The following ZFHX3 variants were observed in gnomAD, a reference collection of about 807,000 sequenced individuals.
The protein encoded by ZFHX3 is zinc finger homeobox 3.
A neutral mutation model predicts 279.1 loss-of-function variants in ZFHX3; 42 were observed. That is an observed-to-expected ratio of 0.15 (90% CI 0.12 to 0.19). The LOEUF is 0.19. Among genes scored for constraint, ZFHX3 ranks in the 10% least tolerant of loss-of-function variants. The pLI, the probability that ZFHX3 is intolerant of heterozygous loss-of-function variation, is 1.00. For missense variants in ZFHX3, 4,981 were observed against 4,754.0 expected (o/e 1.05, Z -1.40); for synonymous variants, 2,293 against 1,957.8 (o/e 1.17, Z -4.52).
At chr16:72,987,672 T>C (rs899676926) in intron 1 of ZFHX3, among the ~76,000 whole-genome samples, 2 of 152,210 alleles carry the variant, frequency 1.3e-5, no homozygotes, top group Non-Finnish European at 2.9e-5. Flanking sequence ...GCCAGTTTTA[T>C]GTAGAGTATC....
chr16:73,105,404 TATATAC>T (rs1300476287), intron 7 of ZFHX3, among the ~76,000 whole-genome samples: 2 of 137,374 alleles, frequency 1.5e-5, no homozygotes, highest in African/African-American at 5.4e-5. Flanking sequence ...CATATATATA[TATATAC>T]ACACACACAT....
intron 1 of ZFHX3, among the ~76,000 whole-genome samples, chr16:73,770,298 T>C (rs950426904): frequency 1.3e-5 from 2 of 152,188 alleles, no homozygotes; most frequent in African/African-American, 4.8e-5. Flanking sequence ...AGCCAAAGAA[T>C]GGGGACAGTC....
At chr16:73,627,636 G>C (rs1466217572) in intron 2 of ZFHX3, among the ~76,000 whole-genome samples, 1 of 152,116 alleles carries the variant, frequency 6.6e-6, no homozygotes, top group African/African-American at 2.4e-5. Flanking sequence ...AACAGCTGTT[G>C]GGGTGGGCGC....
chr16:73,842,618 A>G (rs1375794403), intron 1 of ZFHX3, among the ~76,000 whole-genome samples: 1 of 152,154 alleles, frequency 6.6e-6, no homozygotes, highest in African/African-American at 2.4e-5. Flanking sequence ...GCGTGTGTAT[A>G]TGCAGGACAG....
At chr16:73,581,377 T>C (rs1173067430) in intron 2 of ZFHX3, among the ~76,000 whole-genome samples, 1 of 151,888 alleles carries the variant, frequency 6.6e-6, no homozygotes, top group Non-Finnish European at 1.5e-5. Flanking sequence ...AACTTACTTG[T>C]TTCTACTTTC....
Position 73,813,473 on chromosome 16 carries a change from T to C in ZFHX3, c.-1608+78178A>G, listed in dbSNP as rs534472923. 2.0e-5 allele frequency among the ~76,000 whole-genome samples: 3 copies of C among 152,198 alleles called. No individual in the cohort carries two copies. The South Asian group carries it at 6.2e-4, about 32-fold the overall frequency. ...TTGAACTGCATACTTATCATTTGTG[T>C]ACTTTTCTGTAAGTCCATTTCAGTA... On this transcript the variant is annotated intron_variant, in intron 1 of 17. Transcript: ENST00000641206.
At chr16:73,240,872 T>C (rs561250787) in intron 5 of ZFHX3, among the ~76,000 whole-genome samples, 26 of 152,340 alleles carry the variant, frequency 1.7e-4, no homozygotes, top group Admixed American at 1.7e-3. Flanking sequence ...AAAAGGATCA[T>C]CAAACTCACA....
intron 7 of ZFHX3, among the ~76,000 whole-genome samples, chr16:73,108,025 G>C (rs1389525092): frequency 6.6e-6 from 1 of 152,148 alleles, no homozygotes; most frequent in African/African-American, 2.4e-5. Context: ...GCCAGGCGTG[G>C]TGGCGGGCAC....
intron 4 of ZFHX3, among the ~76,000 whole-genome samples, chr16:72,857,413 G>A (rs2037780021): frequency 6.6e-6 from 1 of 152,232 alleles, no homozygotes; most frequent in African/African-American, 2.4e-5. Context: ...TAAGCTGAGT[G>A]TGGTGGCTCA....
intron 1 of ZFHX3, among the ~76,000 whole-genome samples, chr16:73,760,935 T>C (rs1426657665): frequency 1.3e-5 from 2 of 151,450 alleles, no homozygotes; most frequent in Non-Finnish European, 2.9e-5. Context: ...ATGCCCTCTT[T>C]CACCACCCCT....
chr16:73,692,342 G>A (rs2053157255), intron 1 of ZFHX3, among the ~76,000 whole-genome samples: 1 of 152,130 alleles, frequency 6.6e-6, no homozygotes, highest in African/African-American at 2.4e-5. Context: ...AGCTACAGAA[G>A]AGAACCCAAG....
At chr16:73,653,197 A>G (rs892225535) in intron 2 of ZFHX3, among the ~76,000 whole-genome samples, 2 of 152,206 alleles carry the variant, frequency 1.3e-5, no homozygotes, top group African/African-American at 4.8e-5. Flanking sequence ...AAAAAAGTCA[A>G]TGAGAATAAA....
At chr16:73,522,103 C>T (rs964859369) in intron 2 of ZFHX3, among the ~76,000 whole-genome samples, 1 of 152,104 alleles carries the variant, frequency 6.6e-6, no homozygotes, top group Non-Finnish European at 1.5e-5. Context: ...ATTATTATTC[C>T]GTCAATGAAG....
chr16:73,436,284 G>A (rs1194226231), intron 3 of ZFHX3, among the ~76,000 whole-genome samples: 8 of 152,148 alleles, frequency 5.3e-5, no homozygotes, highest in African/African-American at 1.7e-4. Flanking sequence ...TCACACCATT[G>A]CACTCCAGCC....
At chr16:73,716,645 ACACACGCATGCACG>A (rs1438293677) in intron 1 of ZFHX3, among the ~76,000 whole-genome samples, 7 of 46,532 alleles carry the variant, frequency 1.5e-4, no homozygotes, top group Admixed American at 4.5e-4. Flanking sequence ...ACACACACAC[ACACACGCATGCACG>A]CACGCACAGA....
At chr16:73,490,809 C>T (rs988717935) in intron 2 of ZFHX3, among the ~76,000 whole-genome samples, 1 of 152,240 alleles carries the variant, frequency 6.6e-6, no homozygotes, top group Admixed American at 6.5e-5. Flanking sequence ...TGCATTCCAG[C>T]CTGGACAACA....
chr16:73,085,214 G>T (rs541762182), intron 8 of ZFHX3, among the ~76,000 whole-genome samples: 1 of 152,282 alleles, frequency 6.6e-6, no homozygotes, highest in South Asian at 2.1e-4. Flanking sequence ...GAACAGAATA[G>T]AAAACCAGAA....
At chr16:72,884,009 A>T (rs1056281996) in intron 4 of ZFHX3, among the ~76,000 whole-genome samples, 1 of 151,696 alleles carries the variant, frequency 6.6e-6, no homozygotes, top group East Asian at 1.9e-4. Context: ...AATTGCATAT[A>T]ATTTAGCTAT....
At chr16:73,189,057 T>A (rs998365936) in intron 5 of ZFHX3, among the ~76,000 whole-genome samples, 1 of 152,084 alleles carries the variant, frequency 6.6e-6, no homozygotes, top group African/African-American at 2.4e-5. Flanking sequence ...AAAGACAGGA[T>A]TTCACCATAT....
Sources: allele counts gnomAD v4.1 joint callset (sites outside exome capture counted in the v4.1 genomes callset), GRCh38; gene constraint gnomAD v4.1.1; transcripts MANE v1.5; gene names NCBI Gene and HGNC (gene_info 2026-07-23, HGNC 2026-07-21).